The following LSAMP variants were observed in gnomAD, a reference collection of about 807,000 sequenced individuals.
LSAMP encodes limbic system-associated membrane protein.
Under a neutral mutation model 38.6 loss-of-function variants are expected in LSAMP, and 7 were observed. The observed-to-expected ratio is 0.18, with a 90% CI of 0.10 to 0.34. The LOEUF is 0.34. Ranked by LOEUF, LSAMP falls within the 10% of genes least tolerant of loss-of-function variation. LSAMP has a pLI of 1.00. For missense variants in LSAMP, 313 were observed against 420.0 expected, an observed-to-expected ratio of 0.75 and a Z score of 2.23; for synonymous variants, 154 against 166.8, an observed-to-expected ratio of 0.92 and a Z score of 0.59.
intron 3 of LSAMP, among the ~76,000 whole-genome samples, chr3:115,948,463 T>A (rs985547969): frequency 1.3e-5 from 2 of 152,174 alleles, no homozygotes; most frequent in Middle Eastern, 3.4e-3. Context: ...AACTGGAAAT[T>A]AACTCCAAAA....
At chr3:116,238,766 A>T (rs1305619601) in intron 1 of LSAMP, among the ~76,000 whole-genome samples, 1 of 152,210 alleles carries the variant, frequency 6.6e-6, no homozygotes, top group African/African-American at 2.4e-5. Context: ...GATAAACCTG[A>T]TATCAAAGCA....
intron 1 of LSAMP, among the ~76,000 whole-genome samples, chr3:116,101,218 C>A (rs1191330529): frequency 6.6e-6 from 1 of 152,174 alleles, no homozygotes; most frequent in Non-Finnish European, 1.5e-5. Flanking sequence ...AAGAAACTTA[C>A]TATTCCAAGT....
At chr3:116,240,691 A>G (rs537368238) in intron 1 of LSAMP, among the ~76,000 whole-genome samples, 2 of 152,314 alleles carry the variant, frequency 1.3e-5, no homozygotes, top group South Asian at 4.1e-4. Flanking sequence ...TGGACTTTTA[A>G]GTTATCTGTG....
chr3:116,127,704 T>TG (rs1201259102), intron 1 of LSAMP, among the ~76,000 whole-genome samples: 1 of 131,158 alleles, frequency 7.6e-6, no homozygotes, highest in Non-Finnish European at 1.5e-5. Context: ...CATTTTTTTT[T>TG]TTTTTTTTTT....
intron 3 of LSAMP, among the ~76,000 whole-genome samples, chr3:115,863,791 C>T (rs1935780786): frequency 6.6e-6 from 1 of 151,760 alleles, no homozygotes; most frequent in South Asian, 2.1e-4. Flanking sequence ...ATTGCAGTGT[C>T]AGTGAAAGAC....
intron 3 of LSAMP, among the ~76,000 whole-genome samples, chr3:115,885,983 GTTTC>G (rs897830736): frequency 7.2e-5 from 11 of 151,926 alleles, no homozygotes; most frequent in Non-Finnish European, 1.3e-4. Flanking sequence ...TGGTTAATTG[GTTTC>G]TTTAAGTCTT....
rs958365139 is a variant in LSAMP at position 116,075,116 on chromosome 3, G to A, written c.388+11208C>T. On this transcript the variant is annotated intron_variant, in intron 2 of 6. Transcript: ENST00000490035. The stretch of plus-strand genomic sequence containing the variant: ...GCCTCTCAAAGTGCTGGGATTACAG[G>A]TATGAGTCACTGCACCCAGCCATTT... 2.0e-5 allele frequency among the ~76,000 whole-genome samples: 3 copies of A among 147,064 alleles called. No individual in the cohort carries two copies. The East Asian group carries it at 6.0e-4, about 29-fold the overall frequency.
intron 3 of LSAMP, among the ~76,000 whole-genome samples, chr3:116,010,864 T>A (rs1015205131): frequency 1.3e-5 from 2 of 152,246 alleles, no homozygotes; most frequent in Non-Finnish European, 2.9e-5. Flanking sequence ...TAGTTTATAC[T>A]TCATGATATA....
chr3:115,919,339 A>G (rs1937329694), intron 3 of LSAMP, among the ~76,000 whole-genome samples: 1 of 152,144 alleles, frequency 6.6e-6, no homozygotes, highest in African/African-American at 2.4e-5. Flanking sequence ...AGGAAGATTT[A>G]ATAACTAGAT....
intron 1 of LSAMP, among the ~76,000 whole-genome samples, chr3:116,148,903 A>G (rs181201736): frequency 1.3e-5 from 2 of 152,018 alleles, no homozygotes; most frequent in Non-Finnish European, 2.9e-5. Flanking sequence ...GCTATCTGCA[A>G]TCACAGAAGT....
intron 1 of LSAMP, among the ~76,000 whole-genome samples, chr3:116,213,431 C>A (rs150583355): frequency 0.026 from 3,976 of 152,308 alleles, 79 homozygotes; most frequent in Non-Finnish European, 0.04. Context: ...TAGCCTTCTG[C>A]CATGATTGTG....
intron 2 of LSAMP, among the ~76,000 whole-genome samples, chr3:116,050,228 C>G (rs749594316): frequency 3.3e-5 from 5 of 152,108 alleles, no homozygotes; most frequent in Non-Finnish European, 5.9e-5. Context: ...GTCAGAGGCT[C>G]TCTGCACACA....
At chr3:115,863,439 T>C (rs2107365889) in intron 3 of LSAMP, among the ~76,000 whole-genome samples, 1 of 152,162 alleles carries the variant, frequency 6.6e-6, no homozygotes, top group South Asian at 2.1e-4. Context: ...GGGAGGGTAA[T>C]AATTGAGTTT....
chr3:116,267,105 A>G (rs2046901993), intron 1 of LSAMP, among the ~76,000 whole-genome samples: 1 of 152,192 alleles, frequency 6.6e-6, no homozygotes, highest in South Asian at 2.1e-4. Context: ...ACAGAGCAGG[A>G]AAAGTAGACT....
At chr3:116,375,902 T>A (rs1195777876) in intron 1 of LSAMP, among the ~76,000 whole-genome samples, 1 of 152,042 alleles carries the variant, frequency 6.6e-6, no homozygotes, top group African/African-American at 2.4e-5. Flanking sequence ...TAGACTTTTA[T>A]GTAAACTGTA....
chr3:116,286,891 TAAAA>T (rs79705073), intron 1 of LSAMP, among the ~76,000 whole-genome samples: 1 of 133,788 alleles, frequency 7.5e-6, no homozygotes, highest in Non-Finnish European at 1.6e-5. Flanking sequence ...TCTCTCAAGT[TAAAA>T]AAAAAAAAAA....
At chr3:116,098,413 C>A (rs1475241282) in intron 1 of LSAMP, among the ~76,000 whole-genome samples, 1 of 152,142 alleles carries the variant, frequency 6.6e-6, no homozygotes, top group Non-Finnish European at 1.5e-5. Flanking sequence ...GCAGGGGAAT[C>A]ACTTGAACCC....
intron 1 of LSAMP, among the ~76,000 whole-genome samples, chr3:116,250,649 C>T (rs1013366006): frequency 6.6e-6 from 1 of 150,984 alleles, no homozygotes; most frequent in African/African-American, 2.4e-5. Flanking sequence ...ATCACTTGAG[C>T]TCGAGAGTTT....
chr3:115,841,541 CAA>C (rs1934995813), intron 6 of LSAMP: 1 of 219,894 alleles, frequency 4.5e-6, no homozygotes, highest in Non-Finnish European at 8.9e-6. Flanking sequence ...GGACCACTGC[CAA>C]AGAGACTTGT....
Sources: gnomAD v4.1 joint callset for allele counts (sites outside exome capture counted in the v4.1 genomes callset) on GRCh38, gnomAD v4.1.1 for gene constraint, MANE v1.5 for transcripts, NCBI Gene and HGNC (gene_info 2026-07-23, HGNC 2026-07-21) for gene names.